Variants in SEMA6A observed in about 807,000 individuals in gnomAD.
The protein encoded by SEMA6A is semaphorin 6A.
Under a neutral mutation model 96.8 loss-of-function variants are expected in SEMA6A, and 25 were observed. The ratio of observed to expected loss-of-function variants is 0.26; its 90% CI spans 0.19 to 0.36. The LOEUF (loss-of-function observed/expected upper bound fraction) is 0.36. Ranked by LOEUF, SEMA6A falls within the 10% of genes least tolerant of loss-of-function variation. The probability of loss-of-function intolerance (pLI) is 1.00; values close to 1 mark genes in which losing one functional copy is unlikely to be tolerated. For missense variants in SEMA6A, 1,363 were observed against 1,323.1 expected, an observed-to-expected ratio of 1.03 and a Z score of -0.47; for synonymous variants, 612 against 518.0, an observed-to-expected ratio of 1.18 and a Z score of -2.46.
At chr5:116,543,921 T>TA (rs753440032) in intron 1 of SEMA6A, among the ~76,000 whole-genome samples, 6 of 152,340 alleles carry the variant, frequency 3.9e-5, no homozygotes, top group East Asian at 1.9e-4. Context: ...TTAAGTTCTT[T>TA]AGTCTTCTGA....
intron 1 of SEMA6A, among the ~76,000 whole-genome samples, chr5:116,525,644 G>T (rs946363249): frequency 2.0e-4 from 31 of 152,188 alleles, no homozygotes; most frequent in Admixed American, 1.3e-4. Context: ...GGTAACGGCA[G>T]TTTGGTGTTT....
chr5:116,545,225 A>G (rs1760134929), intron 1 of SEMA6A, among the ~76,000 whole-genome samples: 1 of 152,232 alleles, frequency 6.6e-6, no homozygotes, highest in African/African-American at 2.4e-5. Flanking sequence ...GTCTGGCTCC[A>G]GCCAATGGAG....
rs773748139 is a variant in SEMA6A at position 116,540,051 on chromosome 5, G to A, written c.-39+34134C>T. 6.6e-5 allele frequency among the ~76,000 whole-genome samples: 10 copies of A among 151,730 alleles called. No individual in the cohort carries two copies. The East Asian group carries it at 7.7e-4, about 12-fold the overall frequency. ...AGTTCTTTTTTTCTTATTTTCTTGC[G>A]CTAAACTGCATACGTTTTACAAAAC... On this transcript the variant is annotated intron_variant, in intron 1 of 18. Transcript: ENST00000343348.
rs536638860 is a variant in SEMA6A, at chr5:116,470,414, G to C, written c.1729+2659C>G. Among the ~76,000 whole-genome samples the C allele has an allele frequency of 9.2e-5, 14 of 152,106 alleles. 1 individual carries two copies. Among genetic ancestry groups the C allele is most frequent in the Admixed American group, 6.5e-4 (10 of 15,278 alleles). On this transcript the variant is annotated intron_variant, in intron 17 of 18. Coordinates refer to ENST00000343348, the MANE Select transcript of SEMA6A (RefSeq NM_020796.5). The stretch of plus-strand genomic sequence containing the variant: ...GAAAGGTCACCTTTTAATCAATGGA[G>C]CTTATGCTTTATCATTCTCATAAAA...
intron 1 of SEMA6A, among the ~76,000 whole-genome samples, chr5:116,557,007 C>T (rs920818092): frequency 6.6e-6 from 1 of 152,202 alleles, no homozygotes; most frequent in African/African-American, 2.4e-5. Context: ...AGAGTTGGCA[C>T]TACTGTGAGA....
chr5:116,455,628 A>G (rs1169065923), intron 18 of SEMA6A, among the ~76,000 whole-genome samples: 1 of 152,220 alleles, frequency 6.6e-6, no homozygotes, highest in African/African-American at 2.4e-5. Flanking sequence ...TGCTTGGATT[A>G]TTTGATTACT....
intron 1 of SEMA6A, among the ~76,000 whole-genome samples, chr5:116,515,980 T>A (rs77070415): frequency 0.029 from 4,420 of 152,224 alleles, 90 homozygotes; most frequent in Middle Eastern, 0.031. Context: ...TTTGTCAACA[T>A]TTTTGGTAAG....
At chr5:116,470,471 C>T (rs964991806) in intron 17 of SEMA6A, among the ~76,000 whole-genome samples, 2 of 152,108 alleles carry the variant, frequency 1.3e-5, no homozygotes, top group African/African-American at 2.4e-5. Flanking sequence ...TGAAAGTTAA[C>T]GTTAATGCAT....
chr5:116,500,411 G>T (rs1025615956), intron 3 of SEMA6A, among the ~76,000 whole-genome samples: 1 of 152,146 alleles, frequency 6.6e-6, no homozygotes, highest in Non-Finnish European at 1.5e-5. Flanking sequence ...TTCTTGTAGG[G>T]TTGTTTCCAG....
chr5:116,549,292 C>T lies in SEMA6A; in HGVS notation c.-39+24893G>A, dbSNP rs745544202. 1.0e-3 allele frequency among the ~76,000 whole-genome samples: 154 copies of T among 152,124 alleles called. 1 individual carries two copies. The highest frequency in any genetic ancestry group is 1.2e-3 in the Admixed American group (18 of 15,278). On this transcript the variant is annotated intron_variant, in intron 1 of 18. Coordinates refer to ENST00000343348, the MANE Select transcript of SEMA6A (RefSeq NM_020796.5). ...ATAAGTTCCCCCATTCCATACCCTCCCATAGCGTATGGAGAGCTCGGCACT... is the reference window on the plus strand; with the variant it reads ...ATAAGTTCCCCCATTCCATACCCTCTCATAGCGTATGGAGAGCTCGGCACT...
intron 18 of SEMA6A, among the ~76,000 whole-genome samples, chr5:116,461,407 G>A (rs940487226): frequency 2.6e-5 from 4 of 151,804 alleles, no homozygotes; most frequent in African/African-American, 9.7e-5. Flanking sequence ...ATTTAAAAAC[G>A]ACTGCAATAG....
At position 116,480,227 on chromosome 5, in the gene SEMA6A, T is replaced by C. The variant is rs369435715; in HGVS notation, c.1145A>G (p.Asn382Ser). 1.9e-5 allele frequency: 30 copies of C among 1,613,734 alleles called. No individual in the cohort carries two copies. Among genetic ancestry groups the C allele is most frequent in the Admixed American group, 3.3e-5 (2 of 59,986 alleles). ...SSSLERYATS[N>S]EFPDDTLNFI... ...GTTCAGGGTATCATCAGGGAACTCA[T>C]TGGAGGTTGCATATCTTTCTAAGGA... The change falls in exon 12 of 19, where the codon AAT becomes AGT. Residue 382 changes from asparagine (N) to serine (S), a missense_variant. Coordinates refer to ENST00000343348, the MANE Select transcript of SEMA6A (RefSeq NM_020796.5).
At chr5:116,461,739 T>C (rs1755410867) in intron 18 of SEMA6A, among the ~76,000 whole-genome samples, 1 of 152,234 alleles carries the variant, frequency 6.6e-6, no homozygotes, top group African/African-American at 2.4e-5. Flanking sequence ...TGTGTGGTTT[T>C]GGCATTTCAC....
At chr5:116,491,043 T>C (rs1412156032) in intron 7 of SEMA6A, among the ~76,000 whole-genome samples, 1 of 152,168 alleles carries the variant, frequency 6.6e-6, no homozygotes, top group Admixed American at 6.5e-5. Context: ...CCTAAGCAAT[T>C]AGCACCCTCC....
At chr5:116,547,219 C>A (rs1760223072) in intron 1 of SEMA6A, among the ~76,000 whole-genome samples, 1 of 152,176 alleles carries the variant, frequency 6.6e-6, no homozygotes, top group Non-Finnish European at 1.5e-5. Context: ...TGTGGACATG[C>A]ATACAAGTGT....
At chr5:116,451,952 G>T (rs765739524) in intron 18 of SEMA6A, among the ~76,000 whole-genome samples, 110 of 146,886 alleles carry the variant, frequency 7.5e-4, no homozygotes, top group Non-Finnish European at 1.3e-3. Flanking sequence ...GTGCCCCAGT[G>T]GAACTGAATA....
At chr5:116,544,791 AAC>A (rs2112870922) in intron 1 of SEMA6A, among the ~76,000 whole-genome samples, 1 of 152,334 alleles carries the variant, frequency 6.6e-6, no homozygotes, top group East Asian at 1.9e-4. Flanking sequence ...CCAGGGGGAA[AAC>A]AGTTTATTTA....
chr5:116,478,929 A>T (rs1026105259), intron 12 of SEMA6A, among the ~76,000 whole-genome samples: 58 of 149,356 alleles, frequency 3.9e-4, no homozygotes, highest in South Asian at 1.7e-3. Context: ...GGTGTGAGAG[A>T]GTGTGTGTGT....
At chr5:116,553,715 G>T (rs887143851) in intron 1 of SEMA6A, among the ~76,000 whole-genome samples, 2 of 152,154 alleles carry the variant, frequency 1.3e-5, no homozygotes, top group Non-Finnish European at 2.9e-5. Context: ...AGGAGCAGGA[G>T]CCACACTAGA....
Sources: allele counts gnomAD v4.1 joint callset (sites outside exome capture counted in the v4.1 genomes callset), GRCh38; gene constraint gnomAD v4.1.1; transcripts MANE v1.5; gene names NCBI Gene and HGNC (gene_info 2026-07-23, HGNC 2026-07-21).